Variants in PDE10A observed in about 807,000 individuals in gnomAD.
The protein encoded by PDE10A is cAMP and cAMP-inhibited cGMP 3',5'-cyclic phosphodiesterase 10A.
In PDE10A, 39 loss-of-function variants were observed where a neutral mutation model predicts 97.7. The observed-to-expected ratio is 0.40, with a 90% CI of 0.31 to 0.52. The LOEUF (loss-of-function observed/expected upper bound fraction) is 0.52, where lower values mean the gene tolerates loss of function less well. Among genes scored for constraint, PDE10A ranks in the 20% least tolerant of loss-of-function variants. The pLI is 0.56. For missense variants in PDE10A, 731 were observed against 1,047.8 expected (o/e 0.70, Z 4.17); for synonymous variants, 371 against 376.8 (o/e 0.98, Z 0.18).
At chr6:165,765,047 A>G (rs1042633437) in intron 1 of PDE10A, among the ~76,000 whole-genome samples, 1 of 152,188 alleles carries the variant, frequency 6.6e-6, no homozygotes. Flanking sequence ...CAGAGCAGCT[A>G]GATACAGAGT....
intron 16 of PDE10A, among the ~76,000 whole-genome samples, chr6:165,389,690 G>A (rs1272265705): frequency 1.3e-5 from 2 of 152,146 alleles, no homozygotes; most frequent in African/African-American, 4.8e-5. Context: ...AAGCCTCACG[G>A]CCTGGAGATA....
intron 1 of PDE10A, among the ~76,000 whole-genome samples, chr6:165,818,755 A>T (rs1342640273): frequency 6.6e-6 from 1 of 152,232 alleles, no homozygotes; most frequent in Non-Finnish European, 1.5e-5. Context: ...GTGATTGATA[A>T]ATGTTCTCAC....
chr6:165,927,759 C>G lies in PDE10A; in HGVS notation c.-615+59770G>C, dbSNP rs9457120. Among the ~76,000 whole-genome samples, 1,102 of 148,268 alleles carry G rather than the reference C, an allele frequency of 7.4e-3. 18 individuals carry two copies. Among genetic ancestry groups the G allele is most frequent in the African/African-American group, 0.025 (1,015 of 40,502 alleles). ...TTGCCCAGGCTGGAGTGCAGTGGCA[C>G]CATCTCGGCTCACTGTAACCTCCAC... On this transcript the variant is annotated intron_variant, in intron 1 of 19. Coordinates refer to the PDE10A transcript ENST00000366882.
intron 1 of PDE10A, among the ~76,000 whole-genome samples, chr6:165,755,569 T>C (rs900631796): frequency 4.6e-5 from 7 of 152,188 alleles, no homozygotes; most frequent in Non-Finnish European, 7.4e-5. Context: ...AGCTGTTCTG[T>C]ACCTAGTAAC....
At chr6:165,698,572 A>G (rs1791495320) in intron 1 of PDE10A, among the ~76,000 whole-genome samples, 1 of 152,230 alleles carries the variant, frequency 6.6e-6, no homozygotes, top group South Asian at 2.1e-4. Flanking sequence ...ATTCTTGGCC[A>G]GATGTGGTAG....
intron 1 of PDE10A, among the ~76,000 whole-genome samples, chr6:165,860,732 C>T (rs954933615): frequency 3.9e-5 from 6 of 152,128 alleles, no homozygotes; most frequent in African/African-American, 7.2e-5. Context: ...AGGGAGCTGC[C>T]GTGTATTGAT....
At chr6:165,824,444 C>T (rs1463427902) in intron 1 of PDE10A, among the ~76,000 whole-genome samples, 3 of 152,216 alleles carry the variant, frequency 2.0e-5, no homozygotes, top group African/African-American at 7.2e-5. Context: ...CTATGTAACT[C>T]ATACACTACA....
At chr6:165,596,673 G>T (rs1167519045) in intron 1 of PDE10A, among the ~76,000 whole-genome samples, 1 of 152,074 alleles carries the variant, frequency 6.6e-6, no homozygotes, top group African/African-American at 2.4e-5. Context: ...GAGGCTGCAG[G>T]TAGCCATGAT....
intron 1 of PDE10A, chr6:165,909,070 G>A (rs372975120): frequency 1.3e-5 from 2 of 151,958 alleles, no homozygotes; most frequent in African/African-American, 4.8e-5. Flanking sequence ...CTTCTCTGTA[G>A]AAAGCTGTGT....
rs1362179021 is a variant in PDE10A at position 165,662,916 on chromosome 6, C to T, written c.-105G>A. 6.6e-6 allele frequency among the ~76,000 whole-genome samples: 1 copy of T among 150,988 alleles called. No homozygotes were observed. The highest frequency in any genetic ancestry group is 1.5e-5 in the Non-Finnish European group (1 of 67,630). Reference sequence around the variant, plus strand: ...GCAGGACCTGCCCACCCCTGCCGGCCGCCCGAACCGCTGCCTGGTCCTCCT... The same window carrying T: ...GCAGGACCTGCCCACCCCTGCCGGCTGCCCGAACCGCTGCCTGGTCCTCCT... On this transcript the variant is annotated 5_prime_UTR_variant, in exon 1 of 22. Coordinates refer to ENST00000539869, the MANE Select transcript of PDE10A (RefSeq NM_001385079.1).
intron 1 of PDE10A, among the ~76,000 whole-genome samples, chr6:165,585,026 C>T (rs1191423472): frequency 1.3e-5 from 2 of 152,208 alleles, no homozygotes; most frequent in African/African-American, 4.8e-5. Flanking sequence ...AAGCAAGAAT[C>T]TTTGCATTCT....
chr6:165,987,263 C>G (rs1405517927), intron 1 of PDE10A, among the ~76,000 whole-genome samples: 1 of 152,192 alleles, frequency 6.6e-6, no homozygotes, highest in Non-Finnish European at 1.5e-5. Flanking sequence ...TGCAGTCTCT[C>G]TCCCCTCCTC....
At chr6:165,653,871 C>T (rs564271478) in intron 1 of PDE10A, among the ~76,000 whole-genome samples, 38 of 152,272 alleles carry the variant, frequency 2.5e-4, no homozygotes, top group African/African-American at 8.9e-4. Context: ...CAGCTTTCTC[C>T]GTCCCTTCTC....
At chr6:165,572,161 G>A (rs562451663) in intron 1 of PDE10A, among the ~76,000 whole-genome samples, 19 of 152,248 alleles carry the variant, frequency 1.2e-4, no homozygotes, top group South Asian at 2.1e-4. Context: ...CATTTCATGA[G>A]AGCAAGTTTA....
chr6:165,565,461 T>C (rs1784729272), intron 1 of PDE10A, among the ~76,000 whole-genome samples: 1 of 152,106 alleles, frequency 6.6e-6, no homozygotes, highest in East Asian at 1.9e-4. Flanking sequence ...ACTAAATAAG[T>C]GGATACATAT....
chr6:165,954,922 T>G (rs555588727), intron 1 of PDE10A, among the ~76,000 whole-genome samples: 1 of 152,214 alleles, frequency 6.6e-6, no homozygotes, highest in South Asian at 2.1e-4. Flanking sequence ...GCTTTGTTAT[T>G]GCAGGGAATT....
chr6:165,839,775 T>C (rs561093376), intron 1 of PDE10A, among the ~76,000 whole-genome samples: 189 of 152,064 alleles, frequency 1.2e-3, no homozygotes, highest in African/African-American at 4.4e-3. Flanking sequence ...TCCATCCCCA[T>C]CTGCATCTGT....
At chr6:165,678,338 T>C (rs948368266) in intron 1 of PDE10A, among the ~76,000 whole-genome samples, 3 of 151,432 alleles carry the variant, frequency 2.0e-5, no homozygotes, top group Admixed American at 6.6e-5. Flanking sequence ...CTTCTGTTTG[T>C]TTCTCAGGAT....
intron 1 of PDE10A, among the ~76,000 whole-genome samples, chr6:165,715,187 G>A (rs567228839): frequency 1.4e-4 from 22 of 152,254 alleles, no homozygotes; most frequent in Non-Finnish European, 2.9e-4. Context: ...GCACCCAGAC[G>A]GGCCTGCGCC....
Sources: allele counts gnomAD v4.1 joint callset (sites outside exome capture counted in the v4.1 genomes callset), GRCh38; gene constraint gnomAD v4.1.1; transcripts MANE v1.5; gene names NCBI Gene and HGNC (gene_info 2026-07-23, HGNC 2026-07-21).